The following IQGAP2 variants were observed in gnomAD, a reference collection of about 807,000 sequenced individuals.
The protein encoded by IQGAP2 is ras GTPase-activating-like protein IQGAP2.
Under a neutral mutation model 201.3 loss-of-function variants are expected in IQGAP2, and 173 were observed. That is an observed-to-expected ratio of 0.86 (90% CI 0.76 to 0.98). The LOEUF (loss-of-function observed/expected upper bound fraction) is 0.98, where lower values mean the gene tolerates loss of function less well. Ranked by LOEUF, IQGAP2 falls within the 50% of genes least tolerant of loss-of-function variation. The pLI is 0.00. For synonymous variants in IQGAP2, 675 were observed against 673.9 expected, an observed-to-expected ratio of 1.00 and a Z score of -0.03; for missense variants, 1,687 against 1,864.8, an observed-to-expected ratio of 0.90 and a Z score of 1.76.
At chr5:76,692,722 T>C (rs1746376669) in intron 30 of IQGAP2, among the ~76,000 whole-genome samples, 1 of 152,212 alleles carries the variant, frequency 6.6e-6, no homozygotes, top group Admixed American at 6.5e-5. Context: ...GAAGAAGACC[T>C]AACAAATAGG....
chr5:76,461,732 G>C (rs914931463), intron 2 of IQGAP2, 63 bp downstream of exon 2: 2 of 1,192,956 alleles, frequency 1.7e-6, no homozygotes, highest in Admixed American at 3.5e-5. Flanking sequence ...TGATAAGGGC[G>C]TGGGATTTGA....
intron 2 of IQGAP2, among the ~76,000 whole-genome samples, chr5:76,537,192 C>T (rs765845429): frequency 6.6e-6 from 1 of 152,182 alleles, no homozygotes; most frequent in Non-Finnish European, 1.5e-5. Context: ...CATAGTGATT[C>T]GGCCAATGGA....
intron 12 of IQGAP2, among the ~76,000 whole-genome samples, chr5:76,608,480 T>G (rs1747985006): frequency 6.6e-6 from 1 of 152,228 alleles, no homozygotes. Flanking sequence ...TACACCATTG[T>G]AACCAGGCAG....
intron 10 of IQGAP2, among the ~76,000 whole-genome samples, chr5:76,600,527 G>T (rs946768276): frequency 6.6e-6 from 1 of 152,134 alleles, no homozygotes; most frequent in Admixed American, 6.5e-5. Flanking sequence ...TAAGCAACCA[G>T]TATAGCTAGG....
chr5:76,564,696 T>C (rs1310295105), intron 3 of IQGAP2, among the ~76,000 whole-genome samples: 1 of 152,190 alleles, frequency 6.6e-6, no homozygotes, highest in Non-Finnish European at 1.5e-5. Flanking sequence ...TATTCGCAAT[T>C]TCTGGTTATG....
At chr5:76,457,111 C>T (rs10473982) in intron 1 of IQGAP2, among the ~76,000 whole-genome samples, 32,598 of 151,816 alleles carry the variant, frequency 0.21, 3,716 homozygotes, top group Middle Eastern at 0.29. Flanking sequence ...CTCAGCCTTC[C>T]GAGTAGCTGA....
intron 17 of IQGAP2, among the ~76,000 whole-genome samples, chr5:76,647,586 T>G (rs1752154970): frequency 6.6e-6 from 1 of 152,138 alleles, no homozygotes; most frequent in South Asian, 2.1e-4. Flanking sequence ...TGCCACCGTG[T>G]AAGAAGTGCC....
At position 76,586,524 on chromosome 5, in the gene IQGAP2, C is replaced by T. The variant is rs541516469; in HGVS notation, c.459-2382C>T. Among the ~76,000 whole-genome samples the T allele has an allele frequency of 3.9e-5, 6 of 152,298 alleles. No individual in the cohort carries two copies. In the East Asian group the frequency reaches 9.6e-4, roughly 24 times the overall value. ...ATGAAAAAATATTTACCCTCCCAAC[C>T]ACCATAAGGAAATACAAATTTAAAT... On this transcript the variant is annotated intron_variant, in intron 5 of 35. Coordinates refer to ENST00000274364, the MANE Select transcript of IQGAP2 (RefSeq NM_006633.5).
chr5:76,451,633 A>G (rs556992556), intron 1 of IQGAP2, among the ~76,000 whole-genome samples: 54 of 152,380 alleles, frequency 3.5e-4, no homozygotes, highest in African/African-American at 1.3e-3. Context: ...ATCCTTTTCT[A>G]GAAGTTCAGA....
At chr5:76,669,335 T>C (rs994165993) in intron 23 of IQGAP2, among the ~76,000 whole-genome samples, 5 of 152,228 alleles carry the variant, frequency 3.3e-5, no homozygotes, top group South Asian at 2.1e-4. Flanking sequence ...GTGGCCTCCC[T>C]AACTTGTGGA....
intron 2 of IQGAP2, among the ~76,000 whole-genome samples, chr5:76,532,459 G>A (rs1259378300): frequency 9.4e-6 from 1 of 106,534 alleles, no homozygotes; most frequent in East Asian, 3.1e-4. Flanking sequence ...TTTTTCTTTT[G>A]CCATGCTTTC....
chr5:76,524,233 A>G (rs1191412433), intron 2 of IQGAP2, among the ~76,000 whole-genome samples: 3 of 152,164 alleles, frequency 2.0e-5, no homozygotes, highest in African/African-American at 7.2e-5. Context: ...AGTATGCTAT[A>G]CCTTAGCCAG....
intron 1 of IQGAP2, among the ~76,000 whole-genome samples, chr5:76,424,653 TA>T (rs1751900578): frequency 2.0e-5 from 3 of 152,212 alleles, no homozygotes; most frequent in Admixed American, 2.0e-4. Context: ...ACATGAGATA[TA>T]ATTAAAGTGT....
chr5:76,556,886 A>G (rs922528382), intron 2 of IQGAP2, among the ~76,000 whole-genome samples: 2 of 152,152 alleles, frequency 1.3e-5, no homozygotes, highest in Non-Finnish European at 2.9e-5. Context: ...TAAGTTTCCT[A>G]TATCTTGCCT....
chr5:76,618,472 G>A (rs371065191), intron 13 of IQGAP2: 9 of 1,614,122 alleles, frequency 5.6e-6, no homozygotes, highest in Non-Finnish European at 6.8e-6. Flanking sequence ...TTTTTCACAT[G>A]GAGATGTGAA....
Position 76,671,895 on chromosome 5 carries a change from G to T in IQGAP2, c.2980G>T (p.Asp994Tyr), listed in dbSNP as rs138211969. 4 of 1,613,928 alleles carry T rather than the reference G, an allele frequency of 2.5e-6. No individual in the cohort carries two copies. Among genetic ancestry groups the T allele is most frequent in the Non-Finnish European group, 3.4e-6 (4 of 1,180,012 alleles). ...GGCTCCAGTGGTAAAAGAGATCATC[G>T]ACGACAAGTCGCTGATTATCAACAC... ...LLAPVVKEII[D>Y]DKSLIINTNP... The change falls in exon 24 of 36, where the codon GAC becomes TAC. Residue 994 changes from aspartate to tyrosine, a missense_variant. Transcript: ENST00000274364.
chr5:76,547,454 A>G, intron 2 of IQGAP2: 1 of 976,766 alleles, frequency 1.0e-6, no homozygotes, highest in Non-Finnish European at 1.2e-6. Flanking sequence ...CAATTTAAGT[A>G]AGTTTACAAT....
chr5:76,503,579 C>CT (rs11297909), intron 2 of IQGAP2, among the ~76,000 whole-genome samples: 2 of 151,576 alleles, frequency 1.3e-5, no homozygotes, highest in Admixed American at 1.3e-4. Flanking sequence ...TCTCAGGTTA[C>CT]TTTTTTTTTA....
chr5:76,661,656 T>C (rs370288530), intron 21 of IQGAP2, among the ~76,000 whole-genome samples: 2 of 152,174 alleles, frequency 1.3e-5, no homozygotes, highest in Admixed American at 6.5e-5. Flanking sequence ...TTCTAGGTGA[T>C]TTACATATAT....
Sources: gnomAD v4.1 joint callset for allele counts (sites outside exome capture counted in the v4.1 genomes callset) on GRCh38, gnomAD v4.1.1 for gene constraint, MANE v1.5 for transcripts, NCBI Gene and HGNC (gene_info 2026-07-23, HGNC 2026-07-21) for gene names.